The following CFAP161 variants were observed in gnomAD, a reference collection of about 807,000 sequenced individuals.
CFAP161 encodes cilia and flagella associated protein 161.
Under a neutral mutation model 29.0 loss-of-function variants are expected in CFAP161, and 25 were observed. The observed-to-expected ratio is 0.86, with a 90% CI of 0.63 to 1.20. The LOEUF (loss-of-function observed/expected upper bound fraction) is 1.20. Among genes scored for constraint, CFAP161 ranks in the 50% most tolerant of loss-of-function variants. The pLI is 0.00. For missense variants in CFAP161, 367 were observed against 371.9 expected (o/e 0.99, Z 0.11); for synonymous variants, 116 against 137.4 (o/e 0.84, Z 1.09).
chr15:81,147,789 A>T, intron 5 of CFAP161, 69 bp from the exon 6 acceptor site: 1 of 1,229,732 alleles, frequency 8.1e-7, no homozygotes, highest in Non-Finnish European at 1.1e-6. Context: ...GCTTTTAGGT[A>T]AGCTTTTCCC....
chr15:81,133,210 TA>T (rs1567156356), upstream of CFAP161, among the ~76,000 whole-genome samples: 1,523 of 54,418 alleles, frequency 0.028, 84 homozygotes, highest in Non-Finnish European at 0.039. Flanking sequence ...TATATATATA[TA>T]TATATATATA....
intron 1 of CFAP161, among the ~76,000 whole-genome samples, chr15:81,105,144 CCT>C (rs1894350362): frequency 4.6e-5 from 1 of 21,736 alleles, no homozygotes; most frequent in African/African-American, 1.9e-4. Context: ...CCCTCCCCTC[CCT>C]CCCTCCCTCC....
chr15:81,099,976 G>T (rs960865770), intron 1 of CFAP161, among the ~76,000 whole-genome samples: 3 of 151,862 alleles, frequency 2.0e-5, no homozygotes, highest in Admixed American at 6.6e-5. Context: ...TATAAAATAG[G>T]AATGATCTTT....
intron 1 of CFAP161, among the ~76,000 whole-genome samples, chr15:81,100,139 GTA>G (rs1595906269): frequency 6.6e-6 from 1 of 151,136 alleles, no homozygotes; most frequent in African/African-American, 2.4e-5. Flanking sequence ...CAGGTTTTTG[GTA>G]TAGTCTGGGA....
intron 6 of CFAP161, 101 bp from the exon 7 acceptor site, chr15:81,148,237 C>A: frequency 1.7e-6 from 2 of 1,179,136 alleles, no homozygotes; most frequent in Non-Finnish European, 2.4e-6. Flanking sequence ...CTTTATCTAG[C>A]AATCCGCTTC....
chr15:81,148,527 G>T lies in CFAP161; in HGVS notation c.900G>T (p.Thr300=), dbSNP rs371766165. Residue 300 remains threonine (T), a synonymous_variant, in exon 7 of 7, where the codon ACG becomes ACT. Coordinates refer to ENST00000286732, the MANE Select transcript of CFAP161 (RefSeq NM_173528.4). ...TGGAGCAGGCCATGGGCCTTGACAC[G>T]CAGTAACACGCCAGGCACGTGCATG... ...RAMEQAMGLD[T]Q is the part of the protein sequence containing the mutation. 1.4e-5 allele frequency: 22 copies of T among 1,609,946 alleles called. No homozygotes were observed. In the East Asian group the frequency reaches 4.7e-4, roughly 34 times the overall value.
rs760210221 is a variant in CFAP161 at position 81,135,357 on chromosome 15, C to T, written c.157C>T (p.Pro53Ser). The change falls in exon 2 of 7, where the codon CCG (proline) becomes TCG (serine). Residue 53 changes from proline (P) to serine (S), a missense_variant and splice_region_variant. Pro to Ser is a moderately conservative substitution (Grantham distance 74, BLOSUM62 -1). Transcript: ENST00000286732. ...AAGACTAAAACAGAATCTCTTGAGA[C>T]CGGTAACTTTTTTTTTTTTTATTAC... ...SRRLKQNLLRPMQLSVTEDGY... is the reference protein window; with the variant it reads ...SRRLKQNLLRSMQLSVTEDGY... 1 of 1,576,030 alleles carries T rather than the reference C, an allele frequency of 6.3e-7. No individual in the cohort carries two copies. Among genetic ancestry groups the T allele is most frequent in the South Asian group, 1.2e-5 (1 of 84,582 alleles).
At chr15:81,145,543 G>C (rs1894991940) in intron 5 of CFAP161, among the ~76,000 whole-genome samples, 1 of 152,170 alleles carries the variant, frequency 6.6e-6, no homozygotes, top group Admixed American at 6.5e-5. Context: ...GTTTTTTTAA[G>C]AGGTTAAGGG....
intron 4 of CFAP161, among the ~76,000 whole-genome samples, chr15:81,140,120 T>C (rs980712237): frequency 6.6e-6 from 1 of 152,198 alleles, no homozygotes; most frequent in African/African-American, 2.4e-5. Context: ...TGATTTGGGT[T>C]TATATACCAT....
chr15:81,127,878 A>C (rs764114739), intron 2 of CFAP161, among the ~76,000 whole-genome samples: 7 of 152,236 alleles, frequency 4.6e-5, no homozygotes, highest in Non-Finnish European at 8.8e-5. Flanking sequence ...AGAGCATTGC[A>C]ATGGGACTAT....
intron 1 of CFAP161, among the ~76,000 whole-genome samples, chr15:81,103,896 G>T (rs1315343972): frequency 6.6e-6 from 1 of 152,196 alleles, no homozygotes; most frequent in African/African-American, 2.4e-5. Context: ...CCTAGCTGGT[G>T]TCCGCTGCTT....
intron 1 of CFAP161, chr15:81,117,633 T>C: frequency 3.9e-6 from 1 of 253,348 alleles, no homozygotes; most frequent in Non-Finnish European, 8.1e-6. Flanking sequence ...TGGTCTGGGG[T>C]CTTAACCATC....
intron 5 of CFAP161, 90 bp from the exon 6 acceptor site, chr15:81,147,768 C>T: frequency 1.3e-6 from 1 of 768,156 alleles, no homozygotes; most frequent in Non-Finnish European, 2.0e-6. Flanking sequence ...ATAGTATAAT[C>T]CCAAATTTTT....
chr15:81,144,255 T>C (rs1035010276), intron 5 of CFAP161, among the ~76,000 whole-genome samples: 3 of 152,202 alleles, frequency 2.0e-5, no homozygotes, highest in Non-Finnish European at 4.4e-5. Flanking sequence ...GTGACACTGC[T>C]TCCTTCGCAC....
intron 3 of CFAP161, among the ~76,000 whole-genome samples, chr15:81,137,291 A>G (rs1192412747): frequency 6.6e-6 from 1 of 152,224 alleles, no homozygotes. Flanking sequence ...CAATGTAAGC[A>G]TTGCAAGAAT....
At chr15:81,128,310 G>A (rs890302402) in intron 2 of CFAP161, among the ~76,000 whole-genome samples, 4 of 152,166 alleles carry the variant, frequency 2.6e-5, no homozygotes, top group Non-Finnish European at 5.9e-5. Flanking sequence ...AACTTCTTCT[G>A]AAATTGGAGT....
chr15:81,134,518 C>A, intron 1 of CFAP161, 120 bp downstream of exon 1: 1 of 968,974 alleles, frequency 1.0e-6, no homozygotes, highest in Non-Finnish European at 1.5e-6. Context: ...ACAGCGAATA[C>A]CTCTAAAATC....
intron 1 of CFAP161, among the ~76,000 whole-genome samples, chr15:81,119,910 A>T (rs1894549409): frequency 1.0e-5 from 1 of 96,862 alleles, no homozygotes; most frequent in East Asian, 2.1e-4. Flanking sequence ...TTAAAAAAAT[A>T]AAAATTTAAA....
chr15:81,130,508 G>A (rs1034591807), upstream of CFAP161, among the ~76,000 whole-genome samples: 3 of 152,134 alleles, frequency 2.0e-5, no homozygotes, highest in Non-Finnish European at 4.4e-5. Context: ...AGACCATCCT[G>A]GCTAACATGG....
Sources: gnomAD v4.1 joint callset for allele counts (sites outside exome capture counted in the v4.1 genomes callset) on GRCh38, gnomAD v4.1.1 for gene constraint, MANE v1.5 for transcripts, NCBI Gene and HGNC (gene_info 2026-07-23, HGNC 2026-07-21) for gene names.